CENPC: variants seen among roughly 807,000 people sequenced by gnomAD.
The protein encoded by CENPC is centromere protein C.
A neutral mutation model predicts 112.1 loss-of-function variants in CENPC; 63 were observed. That is an observed-to-expected ratio of 0.56 (90% CI 0.46 to 0.69). CENPC has a LOEUF of 0.69. Among genes scored for constraint, CENPC ranks in the 30% least tolerant of loss-of-function variants. The pLI is 0.00. For synonymous variants in CENPC, 333 were observed against 367.6 expected (o/e 0.91, Z 1.08); for missense variants, 1,000 against 1,103.8 (o/e 0.91, Z 1.33).
rs55872090 is a variant in CENPC, at chr4:67,472,444, ATG to A, written c.*159_*160del. 599,775 of 978,700 alleles carry A rather than the reference ATG, an allele frequency of 0.61. 186,383 individuals carry two copies. The highest frequency in any genetic ancestry group is 0.79 in the East Asian group (22,408 of 28,278). 60.6% of individuals were successfully genotyped at this position (978,700 alleles called of 1,614,324 possible). A position where few individuals can be genotyped will look rare whatever the true frequency, so the allele number is the denominator to read the frequency against. On this transcript the variant is annotated 3_prime_UTR_variant, in exon 19 of 19. Coordinates refer to ENST00000273853, the MANE Select transcript of CENPC (RefSeq NM_001812.4). ...CAGTCACTGAAAAATCAGAAAAAAC[ATG>A]TGAGTTAGAAATGTTTATCAAATAC...
At chr4:67,533,584 A>G (rs1221932005) in intron 4 of CENPC, among the ~76,000 whole-genome samples, 3 of 152,256 alleles carry the variant, frequency 2.0e-5, no homozygotes, top group Non-Finnish European at 4.4e-5. Flanking sequence ...AGTAGATGAG[A>G]CATGTCAGCA....
At position 67,519,286 on chromosome 4, in the gene CENPC, G is replaced by A. The variant is rs866679902; in HGVS notation, c.548C>T (p.Thr183Ile). ...ATTTACTGAATTTTCAAAAGTGTAAGTCTCTCTCTTTTGGGCACTAGATGG... is the reference window on the plus strand; with the variant it reads ...ATTTACTGAATTTTCAAAAGTGTAAATCTCTCTCTTTTGGGCACTAGATGG... Reference protein sequence around the residue: ...VIPSSAQKRETYTFENSVNML... With the variant: ...VIPSSAQKREIYTFENSVNML... Residue 183 changes from threonine to isoleucine, a missense_variant, in exon 6 of 19, where the codon ACT becomes ATT. Coordinates refer to ENST00000273853, the MANE Select transcript of CENPC (RefSeq NM_001812.4). 1.2e-6 allele frequency: 2 copies of A among 1,611,284 alleles called. No individual in the cohort carries two copies. The highest frequency in any genetic ancestry group is 3.5e-4 in the Middle Eastern group (2 of 5,750).
chr4:67,507,054 C>T (rs1013740332), intron 10 of CENPC, 120 bp from the exon 11 acceptor site: 1 of 652,346 alleles, frequency 1.5e-6, no homozygotes, highest in Non-Finnish European at 2.4e-6. Flanking sequence ...TATCAGATCA[C>T]CCTGTTCAGG....
At chr4:67,529,868 A>G (rs112431061) in intron 5 of CENPC, among the ~76,000 whole-genome samples, 3 of 152,288 alleles carry the variant, frequency 2.0e-5, no homozygotes, top group African/African-American at 7.2e-5. Context: ...TATTAGTAAC[A>G]AGAGTATTGT....
intron 6 of CENPC, among the ~76,000 whole-genome samples, chr4:67,518,746 T>C (rs1457524735): frequency 2.6e-5 from 4 of 152,124 alleles, no homozygotes; most frequent in African/African-American, 9.7e-5. Flanking sequence ...AAATAGAAAT[T>C]ACACTCATTA....
At chr4:67,526,268 T>C (rs1479950343) in intron 5 of CENPC, among the ~76,000 whole-genome samples, 8 of 151,822 alleles carry the variant, frequency 5.3e-5, no homozygotes, top group African/African-American at 9.7e-5. Context: ...CAAACCACTA[T>C]GGCACAGGTG....
intron 13 of CENPC, 66 bp from the exon 14 acceptor site, chr4:67,494,054 G>A: frequency 1.2e-6 from 1 of 859,126 alleles, no homozygotes; most frequent in Non-Finnish European, 1.7e-6. Flanking sequence ...GCAGTGGAAA[G>A]ACTGTCTTTT....
At chr4:67,528,281 GA>G (rs1357896787) in intron 5 of CENPC, among the ~76,000 whole-genome samples, 1 of 152,136 alleles carries the variant, frequency 6.6e-6, no homozygotes, top group African/African-American at 2.4e-5. Context: ...AGGGAGGGGA[GA>G]ATGGGGAGCC....
chr4:67,517,833 T>C (rs774457514), intron 7 of CENPC, among the ~76,000 whole-genome samples: 3 of 152,118 alleles, frequency 2.0e-5, no homozygotes, highest in Non-Finnish European at 4.4e-5. Context: ...CGAGACCCTG[T>C]CTCAAAATAA....
intron 1 of CENPC, 34 bp downstream of exon 1, chr4:67,545,304 A>G (rs1726999157): frequency 6.8e-7 from 1 of 1,461,472 alleles, no homozygotes; most frequent in Non-Finnish European, 9.1e-7. Flanking sequence ...CCAGCCGCTC[A>G]ACCACTCGCC....
intron 4 of CENPC, among the ~76,000 whole-genome samples, chr4:67,539,075 A>C (rs186045411): frequency 2.6e-4 from 39 of 152,332 alleles, no homozygotes; most frequent in Admixed American, 2.4e-3. Flanking sequence ...ACATAGATGC[A>C]AACATCTTCA....
chr4:67,497,552 A>G (rs1577982011), intron 12 of CENPC, among the ~76,000 whole-genome samples: 1 of 152,008 alleles, frequency 6.6e-6, no homozygotes, highest in East Asian at 1.9e-4. Context: ...TGGTTTTTTG[A>G]GACTAAGTCT....
chr4:67,535,988 T>C (rs900714719), intron 4 of CENPC, among the ~76,000 whole-genome samples: 1 of 152,168 alleles, frequency 6.6e-6, no homozygotes, highest in African/African-American at 2.4e-5. Flanking sequence ...TCCATGTACA[T>C]AATGCCTTTG....
chr4:67,526,036 G>A (rs1726366350), intron 5 of CENPC, among the ~76,000 whole-genome samples: 1 of 152,144 alleles, frequency 6.6e-6, no homozygotes, highest in African/African-American at 2.4e-5. Context: ...CATGGATGAA[G>A]CTGGAAACCA....
rs1560422740 is a variant in CENPC at position 67,490,860 on chromosome 4, ATATATATATATAT to A, written c.2516-752_2516-740del. ...TAAATATATATATATATATATATAT[ATATATATATATAT>A]ATATAGAAATATATAGAAATATATA... On this transcript the variant is annotated intron_variant, in intron 16 of 18. Transcript: ENST00000273853. Among the ~76,000 whole-genome samples, 129 of 20,276 alleles carry A rather than the reference ATATATATATATAT, an allele frequency of 6.4e-3. 2 individuals carry two copies. The highest frequency in any genetic ancestry group is 0.013 in the African/African-American group (124 of 9,804). The allele number at this position is 20,276 out of a possible 152,430, so 13.3% of individuals were successfully genotyped here.
chr4:67,480,928 C>T (rs1422598254), intron 17 of CENPC, among the ~76,000 whole-genome samples: 1 of 152,132 alleles, frequency 6.6e-6, no homozygotes, highest in Non-Finnish European at 1.5e-5. Flanking sequence ...CAACATAGTA[C>T]TGGAAGTCCT....
At chr4:67,528,040 CAAAT>C (rs1275120175) in intron 5 of CENPC, among the ~76,000 whole-genome samples, 2 of 151,988 alleles carry the variant, frequency 1.3e-5, no homozygotes, top group Non-Finnish European at 2.9e-5. Flanking sequence ...TTAAACATAA[CAAAT>C]AAAACCTCTC....
intron 11 of CENPC, among the ~76,000 whole-genome samples, chr4:67,506,281 T>G (rs1725730471): frequency 6.6e-6 from 1 of 152,204 alleles, no homozygotes; most frequent in African/African-American, 2.4e-5. Flanking sequence ...CACCTCTCCC[T>G]GAATGTAGTG....
intron 17 of CENPC, among the ~76,000 whole-genome samples, chr4:67,486,366 C>T (rs1334411524): frequency 2.6e-5 from 4 of 152,030 alleles, no homozygotes; most frequent in African/African-American, 4.8e-5. Flanking sequence ...AAAACATAAC[C>T]GCAATACTGT....
Sources: gnomAD v4.1 joint callset for allele counts (sites outside exome capture counted in the v4.1 genomes callset) on GRCh38, gnomAD v4.1.1 for gene constraint, MANE v1.5 for transcripts, NCBI Gene and HGNC (gene_info 2026-07-23, HGNC 2026-07-21) for gene names.